The following MYEF2 variants were observed in gnomAD, a reference collection of about 807,000 sequenced individuals.
MYEF2 encodes the protein myelin expression factor 2.
MYEF2 carries 37 observed loss-of-function variants against 75.2 expected under a neutral mutation model. The ratio of observed to expected loss-of-function variants is 0.49; its 90% CI spans 0.38 to 0.65. MYEF2 has a LOEUF of 0.65. MYEF2 is among the 30% of genes least tolerant of loss of function. The pLI is 0.00. For synonymous variants in MYEF2, 195 were observed against 241.6 expected, an observed-to-expected ratio of 0.81 and a Z score of 1.79; for missense variants, 634 against 771.4, an observed-to-expected ratio of 0.82 and a Z score of 2.11.
At chr15:48,175,683 T>C (rs1325829054) in intron 1 of MYEF2, among the ~76,000 whole-genome samples, 1 of 152,132 alleles carries the variant, frequency 6.6e-6, no homozygotes, top group African/African-American at 2.4e-5. Flanking sequence ...CTTGCTCCAA[T>C]GCTTAATATT....
chr15:48,168,931 C>G, intron 1 of MYEF2, 92 bp from the exon 2 acceptor site: 1 of 987,894 alleles, frequency 1.0e-6, no homozygotes, highest in East Asian at 2.6e-5. Flanking sequence ...ATATTTATCA[C>G]CTCACAAAAC....
chr15:48,149,493 GA>G lies in MYEF2; in HGVS notation c.1379-123del. 1 of 627,902 alleles carries G rather than the reference GA, an allele frequency of 1.6e-6. No individual in the cohort carries two copies. The highest frequency in any genetic ancestry group is 2.8e-5 in the East Asian group (1 of 35,604). The allele number at this position is 627,902 out of a possible 1,614,324, so 38.9% of individuals were successfully genotyped here. On this transcript the variant is annotated intron_variant, in intron 14 of 16. Transcript: ENST00000324324. The surrounding 1 kb of genome is among the most constrained non-coding windows in gnomAD (Gnocchi z 4.0). The stretch of plus-strand genomic sequence containing the variant: ...ATAAACATTTTTGAGAAAGAAGGGG[GA>G]AATTAATTTGTTTATATAATTAAAT...
At position 48,151,535 on chromosome 15, in the gene MYEF2, C is replaced by T. The variant is rs2039491144; in HGVS notation, c.1244G>A (p.Arg415Gln). The T allele has an allele frequency of 2.5e-6, 4 of 1,612,878 alleles. No homozygotes were observed. Among genetic ancestry groups the T allele is most frequent in the East Asian group, 2.2e-5 (1 of 44,858 alleles). The change falls in exon 13 of 17, where the codon CGA (arginine) becomes CAA (glutamine). Residue 415 changes from arginine (R) to glutamine (Q), a missense_variant. Transcript: ENST00000324324. ...TCCAATATCACCACGTCCAAAATCT[C>T]GCTCCATGCTACTAGTCATCGCACC... Reference protein sequence around the residue: ...YRGAMTSSMERDFGRGDIGIN... With the variant: ...YRGAMTSSMEQDFGRGDIGIN...
At chr15:48,151,274 A>C in intron 13 of MYEF2, 103 bp from the exon 14 acceptor site, 1 of 1,138,544 alleles carries the variant, frequency 8.8e-7, no homozygotes, top group Non-Finnish European at 1.3e-6. Flanking sequence ...TGAAAAGCAT[A>C]AAGTCTTCTG....
chr15:48,146,084 T>G (rs546933428), intron 16 of MYEF2, among the ~76,000 whole-genome samples: 2 of 152,022 alleles, frequency 1.3e-5, no homozygotes, highest in South Asian at 4.1e-4. Context: ...GAGAATGGGT[T>G]TTCCTTGTGC....
chr15:48,162,754 T>C (rs1335718143), intron 5 of MYEF2: 1 of 152,174 alleles, frequency 6.6e-6, no homozygotes, highest in African/African-American at 2.4e-5. Flanking sequence ...TGGTGATCTG[T>C]GATCAGTGAT....
intron 9 of MYEF2, among the ~76,000 whole-genome samples, chr15:48,154,684 A>T (rs2039621345): frequency 6.6e-6 from 1 of 152,176 alleles, no homozygotes; most frequent in Non-Finnish European, 1.5e-5. Context: ...AAACATTTAA[A>T]ACCCAAAATT....
intron 16 of MYEF2, among the ~76,000 whole-genome samples, chr15:48,147,221 T>C (rs1457943256): frequency 6.6e-6 from 1 of 151,934 alleles, no homozygotes; most frequent in East Asian, 1.9e-4. Context: ...TGTCCTCATG[T>C]CAAAACAATG....
intron 5 of MYEF2, 99 bp downstream of exon 5, chr15:48,165,834 A>G: frequency 1.2e-6 from 1 of 842,900 alleles, no homozygotes; most frequent in Non-Finnish European, 1.8e-6. Context: ...ATGTTTTAAA[A>G]AAAAGTTGTA....
intron 1 of MYEF2, among the ~76,000 whole-genome samples, chr15:48,173,038 C>A (rs923361364): frequency 1.3e-5 from 2 of 152,096 alleles, no homozygotes; most frequent in Admixed American, 6.5e-5. Context: ...AGACAAGGAT[C>A]CTACAAGAAA....
rs1567229322 is a variant in MYEF2, at chr15:48,139,084, T to G, written c.*3824A>C. ...CCACACCAGATTGTAGAAAAAAGTT[T>G]TGGAAAAACTACTTTGTGATAACCT... On this transcript the variant is annotated 3_prime_UTR_variant, in exon 17 of 17. Coordinates refer to ENST00000324324, the MANE Select transcript of MYEF2 (RefSeq NM_016132.5). The G allele has an allele frequency of 1.2e-6, 2 of 1,613,108 alleles. No individual in the cohort carries two copies. The highest frequency in any genetic ancestry group is 1.7e-6 in the Non-Finnish European group (2 of 1,179,392).
intron 10 of MYEF2, chr15:48,153,576 A>G (rs2039577005): frequency 2.0e-6 from 1 of 488,316 alleles, no homozygotes; most frequent in African/African-American, 1.9e-5. Context: ...GCTAGCTACA[A>G]CATAGCTGGC....
chr15:48,154,695 G>A (rs1031226545), intron 9 of MYEF2, among the ~76,000 whole-genome samples: 1 of 152,026 alleles, frequency 6.6e-6, no homozygotes, highest in African/African-American at 2.4e-5. Context: ...ACCCAAAATT[G>A]AGAGAATTTA....
chr15:48,158,874 C>T lies in MYEF2; in HGVS notation c.766G>A (p.Ala256Thr). The T allele has an allele frequency of 6.2e-7, 1 of 1,613,692 alleles. No individual in the cohort carries two copies. The highest frequency in any genetic ancestry group is 8.5e-7 in the Non-Finnish European group (1 of 1,179,764). ...ATATCTGCCCGCTTCACAGTTCCAG[C>T]TATGCTGAACACTTCCTTTAGCTTC... is the stretch of plus-strand genomic sequence containing the variant. ...WKKLKEVFSI[A>T]GTVKRADIKE... Residue 256 changes from alanine to threonine, a missense_variant, in exon 7 of 17, where the codon GCT becomes ACT. By Grantham distance (58) the Ala-to-Thr change is moderately conservative (BLOSUM62 0). Transcript: ENST00000324324.
chr15:48,142,000 C>T lies in MYEF2; in HGVS notation c.*908G>A, dbSNP rs1324689918. ...TAATAAAACACAGTATTGGTAAGCA[C>T]ATTTTAACAGTATGCTTTTCTTTTG... On this transcript the variant is annotated 3_prime_UTR_variant, in exon 17 of 17. Transcript: ENST00000324324. The T allele has an allele frequency of 1.4e-5, 21 of 1,510,998 alleles. No individual in the cohort carries two copies. The highest frequency in any genetic ancestry group is 1.9e-5 in the Non-Finnish European group (21 of 1,102,560). 93.6% of individuals were successfully genotyped at this position (1,510,998 alleles called of 1,614,324 possible).
At chr15:48,169,826 G>A (rs1019908150) in intron 1 of MYEF2, 19 of 152,000 alleles carry the variant, frequency 1.3e-4, no homozygotes, top group African/African-American at 3.9e-4. Flanking sequence ...TTGAACTCCT[G>A]ACCTCGTGAT....
At chr15:48,170,504 T>G (rs1450548841) in intron 1 of MYEF2, among the ~76,000 whole-genome samples, 1 of 152,182 alleles carries the variant, frequency 6.6e-6, no homozygotes, top group African/African-American at 2.4e-5. Context: ...TAAAGCAATT[T>G]TTCACAAACA....
chr15:48,173,903 C>G (rs2040423545), intron 1 of MYEF2, among the ~76,000 whole-genome samples: 1 of 151,988 alleles, frequency 6.6e-6, no homozygotes, highest in Admixed American at 6.6e-5. Flanking sequence ...TTAATATTGT[C>G]AAAATGTCCT....
At chr15:48,158,635 T>A in intron 7 of MYEF2, 134 bp downstream of exon 7, 1 of 1,045,818 alleles carries the variant, frequency 9.6e-7, no homozygotes, top group African/African-American at 1.6e-5. Context: ...CTAAGGGTTT[T>A]ATTTGCTGGA....
Sources: allele counts gnomAD v4.1 joint callset (sites outside exome capture counted in the v4.1 genomes callset), GRCh38; gene constraint gnomAD v4.1.1; non-coding constraint Gnocchi (gnomAD v3.1); transcripts MANE v1.5; gene names NCBI Gene and HGNC (gene_info 2026-07-23, HGNC 2026-07-21).